Variants in RTN4RL1 observed in about 807,000 individuals in gnomAD.
RTN4RL1 encodes reticulon 4 receptor like 1, also known as reticulon-4 receptor-like 1.
In RTN4RL1, 7 loss-of-function variants were observed where a neutral mutation model predicts 25.6. The ratio of observed to expected loss-of-function variants is 0.27; its 90% confidence interval spans 0.16 to 0.51. The LOEUF is 0.51. RTN4RL1 is among the 20% of genes least tolerant of loss of function. The pLI is 0.97. For synonymous variants in RTN4RL1, 297 were observed against 288.2 expected, an observed-to-expected ratio of 1.03 and a Z score of -0.31; for missense variants, 500 against 615.6, an observed-to-expected ratio of 0.81 and a Z score of 1.99.
intron 1 of RTN4RL1, among the ~76,000 whole-genome samples, chr17:1,999,677 C>CT (rs1326342103): frequency 4.6e-5 from 7 of 151,344 alleles, no homozygotes; most frequent in Non-Finnish European, 1.0e-4. Context: ...ATACATGCCC[C>CT]CCCCACACAC....
intron 1 of RTN4RL1, among the ~76,000 whole-genome samples, chr17:1,978,636 G>GGT (rs2066853883): frequency 6.6e-6 from 1 of 152,090 alleles, no homozygotes; most frequent in Non-Finnish European, 1.5e-5. Context: ...CGGAAAATGG[G>GGT]GGGGGTGGAG....
intron 1 of RTN4RL1, among the ~76,000 whole-genome samples, chr17:1,993,813 C>T (rs894409820): frequency 1.3e-5 from 2 of 151,712 alleles, no homozygotes; most frequent in African/African-American, 4.8e-5. Context: ...ATAACAAAAA[C>T]AAATCACATT....
At chr17:1,996,565 C>T (rs553531138) in intron 1 of RTN4RL1, among the ~76,000 whole-genome samples, 24 of 152,154 alleles carry the variant, frequency 1.6e-4, no homozygotes, top group Non-Finnish European at 1.9e-4. Context: ...TTGCTTTTCA[C>T]AAGCTCTTAA....
At chr17:1,959,334 C>A (rs552159490) in intron 1 of RTN4RL1, among the ~76,000 whole-genome samples, 32 of 152,330 alleles carry the variant, frequency 2.1e-4, no homozygotes, top group African/African-American at 7.7e-4. Flanking sequence ...AATCTGCTCA[C>A]CTTGGCAGCA....
intron 1 of RTN4RL1, among the ~76,000 whole-genome samples, chr17:2,008,193 C>G (rs1261865485): frequency 6.7e-6 from 1 of 148,180 alleles, no homozygotes; most frequent in African/African-American, 2.5e-5. Flanking sequence ...CACTTGAACC[C>G]GGGAGGCAGA....
chr17:1,957,347 A>C (rs1915813279), intron 1 of RTN4RL1, among the ~76,000 whole-genome samples: 1 of 152,076 alleles, frequency 6.6e-6, no homozygotes, highest in Non-Finnish European at 1.5e-5. Flanking sequence ...AGCTATGTAA[A>C]ACAGACCAGG....
chr17:1,960,658 G>A (rs551708897), intron 1 of RTN4RL1, among the ~76,000 whole-genome samples: 6 of 152,128 alleles, frequency 3.9e-5, no homozygotes, highest in African/African-American at 1.2e-4. Flanking sequence ...GGCTCAGAAC[G>A]TTTTCCTCAC....
chr17:1,987,651 T>G (rs1028707757), intron 1 of RTN4RL1, among the ~76,000 whole-genome samples: 3 of 152,024 alleles, frequency 2.0e-5, no homozygotes, highest in Non-Finnish European at 2.9e-5. Context: ...TCTGAAGCAG[T>G]GTGATTTCAC....
chr17:1,978,616 T>C (rs2066853551), intron 1 of RTN4RL1, among the ~76,000 whole-genome samples: 1 of 126,788 alleles, frequency 7.9e-6, no homozygotes, highest in Non-Finnish European at 1.7e-5. Context: ...AACCTCTCAG[T>C]TTGCTCATCC....
At chr17:1,962,385 T>A (rs2066768633) in intron 1 of RTN4RL1, among the ~76,000 whole-genome samples, 1 of 151,668 alleles carries the variant, frequency 6.6e-6, no homozygotes, top group Non-Finnish European at 1.5e-5. Flanking sequence ...TGAGATGGGG[T>A]CTCACTCTGT....
At chr17:1,961,794 A>AAAAAAAAAT in intron 1 of RTN4RL1, among the ~76,000 whole-genome samples, 1 of 138,356 alleles carries the variant, frequency 7.2e-6, no homozygotes, top group Non-Finnish European at 1.5e-5. Flanking sequence ...AAAAAAAAAA[A>AAAAAAAAAT]AAAATTAGCA....
At chr17:1,948,825 C>A (rs143496423) in intron 1 of RTN4RL1, among the ~76,000 whole-genome samples, 3,821 of 151,686 alleles carry the variant, frequency 0.025, 80 homozygotes, top group Non-Finnish European at 0.04. Context: ...TTGAGACAAT[C>A]TCAGTCGCCC....
rs1915290597 is a variant in RTN4RL1 at position 1,935,782 on chromosome 17, GTAGT to G, written c.*710_*713del. The G allele has an allele frequency of 3.3e-6, 3 of 909,926 alleles. No homozygotes were observed. Among genetic ancestry groups the G allele is most frequent in the African/African-American group, 1.9e-5 (1 of 51,756 alleles). The allele number at this position is 909,926 out of a possible 1,614,324, so 56.4% of individuals were successfully genotyped here. On this transcript the variant is annotated 3_prime_UTR_variant, in exon 2 of 2. Transcript: ENST00000331238. ...AGAGTGTGAATATATATAAGTGGAC[GTAGT>G]TAGTTATAAAACTGCACCTTCTGTG...
At chr17:2,001,811 T>C (rs1039186616) in intron 1 of RTN4RL1, among the ~76,000 whole-genome samples, 3 of 152,086 alleles carry the variant, frequency 2.0e-5, no homozygotes, top group Non-Finnish European at 2.9e-5. Flanking sequence ...CAGGACTCGA[T>C]GGGCTGCGGG....
rs928304165 is a variant in RTN4RL1, at chr17:1,994,674, C to T, written c.13+30179G>A. On this transcript the variant is annotated intron_variant, in intron 1 of 1. Coordinates refer to ENST00000331238, the MANE Select transcript of RTN4RL1 (RefSeq NM_178568.4). The surrounding 1 kb of genome is among the most constrained non-coding windows in gnomAD (Gnocchi z 4.3). ...ATCCCAGCTCCGCCACTGACAGGCCCGGTGACCTCGGTCAACACAAGCAGG... is the reference window on the plus strand; with the variant it reads ...ATCCCAGCTCCGCCACTGACAGGCCTGGTGACCTCGGTCAACACAAGCAGG... Among the ~76,000 whole-genome samples the T allele has an allele frequency of 3.3e-5, 5 of 152,142 alleles. No individual in the cohort carries two copies. Among genetic ancestry groups the T allele is most frequent in the Admixed American group, 2.0e-4 (3 of 15,270 alleles).
chr17:1,987,342 G>A (rs539877817), intron 1 of RTN4RL1, among the ~76,000 whole-genome samples: 2 of 152,218 alleles, frequency 1.3e-5, no homozygotes, highest in African/African-American at 2.4e-5. Context: ...CACAACTTTC[G>A]TTCAAGCCTG....
chr17:1,997,212 C>A (rs887827722), intron 1 of RTN4RL1, among the ~76,000 whole-genome samples: 9 of 152,262 alleles, frequency 5.9e-5, no homozygotes, highest in African/African-American at 2.2e-4. Flanking sequence ...CTGCCGCTCA[C>A]TACCTGCTTC....
intron 1 of RTN4RL1, among the ~76,000 whole-genome samples, chr17:1,961,983 G>GGAAAAGA (rs2066766014): frequency 7.0e-6 from 1 of 142,960 alleles, no homozygotes; most frequent in African/African-American, 2.6e-5. Flanking sequence ...AGAAAAGAAA[G>GGAAAAGA]AAAGAAAAGA....
intron 1 of RTN4RL1, among the ~76,000 whole-genome samples, chr17:1,984,394 C>A (rs923689691): frequency 2.0e-5 from 3 of 152,164 alleles, no homozygotes; most frequent in Non-Finnish European, 4.4e-5. Flanking sequence ...GACAGGGTCT[C>A]GCTCTGTCAA....
Sources: gnomAD v4.1 joint callset for allele counts (sites outside exome capture counted in the v4.1 genomes callset) on GRCh38, gnomAD v4.1.1 for gene constraint, Gnocchi (gnomAD v3.1) non-coding constraint, MANE v1.5 for transcripts, NCBI Gene and HGNC (gene_info 2026-07-23, HGNC 2026-07-21) for gene names.